ANTXR1: variants seen among roughly 807,000 people sequenced by gnomAD.
The protein encoded by ANTXR1 is anthrax toxin receptor 1.
A neutral mutation model predicts 78.1 loss-of-function variants in ANTXR1; 19 were observed. The ratio of observed to expected loss-of-function variants is 0.24; its 90% CI spans 0.17 to 0.36. ANTXR1 has a LOEUF of 0.36. Among genes scored for constraint, ANTXR1 ranks in the 10% least tolerant of loss-of-function variants. ANTXR1 has a pLI of 1.00. For synonymous variants in ANTXR1, 273 were observed against 260.5 expected, an observed-to-expected ratio of 1.05 and a Z score of -0.46; for missense variants, 518 against 718.6, an observed-to-expected ratio of 0.72 and a Z score of 3.19.
chr2:69,219,651 G>A (rs1185115981), intron 17 of ANTXR1, among the ~76,000 whole-genome samples: 1 of 152,094 alleles, frequency 6.6e-6, no homozygotes, highest in Non-Finnish European at 1.5e-5. Context: ...ATTATAAGCA[G>A]TACTTATTAA....
rs879587560 is a variant in ANTXR1, at chr2:69,213,285, C to T, written c.1434+19870C>T. Among the ~76,000 whole-genome samples the T allele has an allele frequency of 2.6e-5, 4 of 152,188 alleles. No individual in the cohort carries two copies. The East Asian group carries it at 7.7e-4, about 29-fold the overall frequency. ...CCTCAAATCTATGGCCTAGTGCACT[C>T]ACTACATGGACCATCTGAAGCGCTG... On this transcript the variant is annotated intron_variant, in intron 17 of 17. Transcript: ENST00000303714.
chr2:69,170,107 T>C (rs1375914242), intron 13 of ANTXR1, 141 bp from the exon 14 acceptor site: 6 of 826,304 alleles, frequency 7.3e-6, no homozygotes, highest in South Asian at 7.2e-5. Context: ...ACACCTCTCA[T>C]GGCAGTGATT....
intron 4 of ANTXR1, among the ~76,000 whole-genome samples, chr2:69,071,166 A>G (rs1193815108): frequency 2.0e-5 from 3 of 152,190 alleles, no homozygotes; most frequent in African/African-American, 7.2e-5. Context: ...GGAATAAGAC[A>G]TCAATCCATG....
At chr2:69,072,307 G>A (rs557658638) in intron 5 of ANTXR1, among the ~76,000 whole-genome samples, 2 of 152,136 alleles carry the variant, frequency 1.3e-5, no homozygotes, top group Non-Finnish European at 2.9e-5. Flanking sequence ...TATTACTACA[G>A]TGTCTTTCGT....
chr2:69,145,315 C>G lies in ANTXR1; in HGVS notation c.952-6854C>G, dbSNP rs189037154. On this transcript the variant is annotated intron_variant, in intron 12 of 17. Coordinates refer to ENST00000303714, the MANE Select transcript of ANTXR1 (RefSeq NM_032208.3). The stretch of plus-strand genomic sequence containing the variant: ...TTTTGCATTTGTATTTTTATGTTCT[C>G]TTTCTTAAAGAGCCTCCACAAAATT... 7.6e-6 allele frequency: 12 copies of G among 1,582,916 alleles called. No individual in the cohort carries two copies. The Admixed American group carries it at 8.9e-5, about 12-fold the overall frequency.
At chr2:69,172,961 C>T (rs993944121) in intron 14 of ANTXR1, among the ~76,000 whole-genome samples, 59 of 152,310 alleles carry the variant, frequency 3.9e-4, no homozygotes, top group Admixed American at 3.8e-3. Context: ...ACTGGCAGTT[C>T]GTGGGAGAAT....
intron 3 of ANTXR1, among the ~76,000 whole-genome samples, chr2:69,063,590 AAAG>A (rs1303343846): frequency 3.4e-4 from 51 of 152,218 alleles, no homozygotes; most frequent in Admixed American, 2.9e-3. Context: ...AATTTAAAAT[AAAG>A]AAGAAGAAGG....
At position 69,221,683 on chromosome 2, in the gene ANTXR1, CAA is replaced by C. The variant is rs200296772; in HGVS notation, c.1435-23526_1435-23525del. 6.9e-3 allele frequency among the ~76,000 whole-genome samples: 553 copies of C among 80,398 alleles called. 3 individuals carry two copies. The highest frequency in any genetic ancestry group is 0.017 in the African/African-American group (483 of 27,606). The allele number at this position is 80,398 out of a possible 152,430, so 52.7% of individuals were successfully genotyped here. A position where few individuals can be genotyped will look rare whatever the true frequency, so the allele number is the denominator to read the frequency against. On this transcript the variant is annotated intron_variant, in intron 17 of 17. Coordinates refer to ENST00000303714, the MANE Select transcript of ANTXR1 (RefSeq NM_032208.3). Reference sequence around the variant, plus strand: ...TGCCTAAACTTAGTTTTCCCCACTACAAAAAAAAAAAAAAAAATTCCTGTTGC... The same window carrying C: ...TGCCTAAACTTAGTTTTCCCCACTACAAAAAAAAAAAAAAATTCCTGTTGC...
At chr2:69,227,536 G>C (rs1490979247) in intron 17 of ANTXR1, among the ~76,000 whole-genome samples, 1 of 152,180 alleles carries the variant, frequency 6.6e-6, no homozygotes, top group Non-Finnish European at 1.5e-5. Context: ...ATTTAGGTTA[G>C]AAGTTCAGCT....
intron 9 of ANTXR1, among the ~76,000 whole-genome samples, 199 bp downstream of exon 9, chr2:69,091,118 TAAAAA>T (rs199910182): frequency 7.2e-6 from 1 of 138,964 alleles, no homozygotes; most frequent in Non-Finnish European, 1.6e-5. Context: ...GTTTGGAAGT[TAAAAA>T]AAAAAAAAAA....
At chr2:69,156,385 A>G (rs566446681) in intron 13 of ANTXR1, among the ~76,000 whole-genome samples, 1 of 152,132 alleles carries the variant, frequency 6.6e-6, no homozygotes, top group South Asian at 2.1e-4. Flanking sequence ...CTCACCCAGC[A>G]TCTTCCTCCT....
At chr2:69,208,112 G>A (rs189536318) in intron 17 of ANTXR1, among the ~76,000 whole-genome samples, 116 of 152,298 alleles carry the variant, frequency 7.6e-4, no homozygotes, top group Middle Eastern at 3.4e-3. Context: ...TTCTCAATCC[G>A]GTCTGTGGAT....
chr2:69,211,509 A>G (rs997056009), intron 17 of ANTXR1, among the ~76,000 whole-genome samples: 6 of 152,218 alleles, frequency 3.9e-5, no homozygotes, highest in Admixed American at 6.5e-5. Context: ...TGCCCACACA[A>G]GGTGTGTTTT....
intron 12 of ANTXR1, among the ~76,000 whole-genome samples, chr2:69,144,493 G>A (rs1673164420): frequency 6.6e-6 from 1 of 152,322 alleles, no homozygotes; most frequent in African/African-American, 2.4e-5. Context: ...ACCAGAGAAA[G>A]GGGGAGAGAG....
chr2:69,077,081 A>G, intron 7 of ANTXR1: 1 of 317,686 alleles, frequency 3.1e-6, no homozygotes, highest in Non-Finnish European at 5.9e-6. Context: ...GAGAAAAATG[A>G]GCCCATGGCC....
At chr2:69,104,209 G>A (rs1165312582) in intron 10 of ANTXR1, among the ~76,000 whole-genome samples, 6 of 152,190 alleles carry the variant, frequency 3.9e-5, no homozygotes, top group South Asian at 2.1e-4. Flanking sequence ...AAAGTGCTGG[G>A]ATTACAGGTG....
intron 1 of ANTXR1, among the ~76,000 whole-genome samples, chr2:69,029,142 T>G (rs754475781): frequency 2.0e-5 from 3 of 151,476 alleles, no homozygotes; most frequent in Non-Finnish European, 4.4e-5. Context: ...GGCACAAGAA[T>G]TGCTTGAACC....
At chr2:69,059,885 C>G (rs2104158185) in intron 3 of ANTXR1, among the ~76,000 whole-genome samples, 1 of 152,250 alleles carries the variant, frequency 6.6e-6, no homozygotes, top group South Asian at 2.1e-4. Flanking sequence ...GAAGGTCTAA[C>G]AGGGCTTATT....
chr2:69,180,366 T>C (rs1674243073), intron 14 of ANTXR1, among the ~76,000 whole-genome samples: 1 of 152,224 alleles, frequency 6.6e-6, no homozygotes, highest in Non-Finnish European at 1.5e-5. Flanking sequence ...GCTTCCTTTC[T>C]CTACCCAGGA....
Sources: allele counts gnomAD v4.1 joint callset (sites outside exome capture counted in the v4.1 genomes callset), GRCh38; gene constraint gnomAD v4.1.1; transcripts MANE v1.5; gene names NCBI Gene and HGNC (gene_info 2026-07-23, HGNC 2026-07-21).